Variants in SUPT3H observed in about 807,000 individuals in gnomAD.
SUPT3H encodes the protein SPT3 homolog, SAGA and STAGA complex component, also known as transcription initiation protein SPT3 homolog.
A neutral mutation model predicts 44.3 loss-of-function variants in SUPT3H; 44 were observed. The ratio of observed to expected loss-of-function variants is 0.99; its 90% confidence interval spans 0.78 to 1.28. SUPT3H has a LOEUF of 1.28. Among genes scored for constraint, SUPT3H ranks in the 50% most tolerant of loss-of-function variants. The probability of loss-of-function intolerance (pLI) is 0.00; values close to 1 mark genes in which losing one functional copy is unlikely to be tolerated. For missense variants in SUPT3H, 380 were observed against 387.1 expected (o/e 0.98, Z 0.15); for synonymous variants, 124 against 125.6 (o/e 0.99, Z 0.09).
intron 2 of SUPT3H, among the ~76,000 whole-genome samples, chr6:45,347,758 CT>C (rs201547368): frequency 2.7e-5 from 4 of 150,512 alleles, no homozygotes; most frequent in Non-Finnish European, 5.9e-5. Context: ...CTTCACAATT[CT>C]TTTTTTTAAA....
chr6:44,964,435 A>G (rs1776497152), intron 6 of SUPT3H, among the ~76,000 whole-genome samples: 1 of 152,166 alleles, frequency 6.6e-6, no homozygotes, highest in South Asian at 2.1e-4. Context: ...TTGGACAACC[A>G]AGATTTGGCC....
intron 6 of SUPT3H, among the ~76,000 whole-genome samples, chr6:44,980,367 C>A (rs1376387054): frequency 6.6e-6 from 1 of 151,928 alleles, no homozygotes; most frequent in Non-Finnish European, 1.5e-5. Context: ...TGTCCCTCAT[C>A]AATGTTATAA....
intron 7 of SUPT3H, among the ~76,000 whole-genome samples, chr6:44,960,415 A>G (rs1775848168): frequency 8.0e-6 from 1 of 124,368 alleles, no homozygotes; most frequent in African/African-American, 2.9e-5. Flanking sequence ...GTGAGATTCC[A>G]TCTCAAAAAA....
chr6:44,847,897 A>G lies in SUPT3H; in HGVS notation c.913-18040T>C, dbSNP rs534639089. Among the ~76,000 whole-genome samples, 59 of 149,830 alleles carry G rather than the reference A, an allele frequency of 3.9e-4. 1 individual carries two copies. The South Asian group carries it at 0.012, about 30-fold the overall frequency. On this transcript the variant is annotated intron_variant, in intron 10 of 10. Transcript: ENST00000371459. Reference sequence around the variant, plus strand: ...TTGTTGGAGATGTATGGATTCCACTAATTTTCTTTACCATTCATTACAGAA... The same window carrying G: ...TTGTTGGAGATGTATGGATTCCACTGATTTTCTTTACCATTCATTACAGAA...
At chr6:44,834,636 G>GA (rs1581890155) in intron 10 of SUPT3H, among the ~76,000 whole-genome samples, 5 of 152,128 alleles carry the variant, frequency 3.3e-5, no homozygotes, top group Admixed American at 3.3e-4. Context: ...TTTAACAGAT[G>GA]AAAAAACTAA....
chr6:44,912,516 T>C (rs933444194), intron 10 of SUPT3H, among the ~76,000 whole-genome samples: 14 of 152,190 alleles, frequency 9.2e-5, no homozygotes, highest in Non-Finnish European at 1.8e-4. Flanking sequence ...TTGTAAGAGA[T>C]GTGGAGAAGT....
chr6:45,110,562 CT>C (rs368543185), intron 2 of SUPT3H, among the ~76,000 whole-genome samples: 1 of 87,378 alleles, frequency 1.1e-5, no homozygotes, highest in South Asian at 4.2e-4. Flanking sequence ...CTAACATCAG[CT>C]TTTTTTAAAA....
intron 2 of SUPT3H, among the ~76,000 whole-genome samples, chr6:45,354,840 G>A (rs1034020974): frequency 3.3e-5 from 5 of 152,132 alleles, no homozygotes; most frequent in African/African-American, 1.2e-4. Context: ...TATCAACATG[G>A]AAAAGTCCTG....
rs189903253 is a variant in SUPT3H, at chr6:45,052,589, T to G, written c.187-31957A>C. ...ACACCTTTGACTCAGACACTCTTAT[T>G]TAGCTAAATTTAAAGCAATAACAAA... On this transcript the variant is annotated intron_variant, in intron 3 of 10. Transcript: ENST00000371459. Among the ~76,000 whole-genome samples, 54 of 152,300 alleles carry G rather than the reference T, an allele frequency of 3.5e-4. 1 individual carries two copies. Among genetic ancestry groups the G allele is most frequent in the Admixed American group, 2.0e-3 (31 of 15,290 alleles).
At chr6:45,069,399 C>T (rs973824896) in intron 3 of SUPT3H, among the ~76,000 whole-genome samples, 5 of 152,078 alleles carry the variant, frequency 3.3e-5, no homozygotes, top group African/African-American at 1.2e-4. Context: ...ATATCATCAC[C>T]TGGTCTAATT....
intron 2 of SUPT3H, among the ~76,000 whole-genome samples, chr6:45,287,319 A>G (rs1339521215): frequency 6.6e-6 from 1 of 152,204 alleles, no homozygotes; most frequent in African/African-American, 2.4e-5. Context: ...TCTGATGTTC[A>G]TAACACCATT....
chr6:45,105,878 G>T, intron 3 of SUPT3H, 44 bp downstream of exon 3: 1 of 1,446,188 alleles, frequency 6.9e-7, no homozygotes. Flanking sequence ...CCTAATAAAA[G>T]AATGCAGAGA....
intron 3 of SUPT3H, among the ~76,000 whole-genome samples, chr6:45,046,296 A>G (rs917218982): frequency 2.0e-5 from 3 of 151,906 alleles, no homozygotes; most frequent in African/African-American, 7.3e-5. Flanking sequence ...ATGTATGTCT[A>G]TCTTTATGTC....
intron 10 of SUPT3H, among the ~76,000 whole-genome samples, chr6:44,839,575 C>CT (rs1182230653): frequency 6.6e-6 from 1 of 152,118 alleles, no homozygotes; most frequent in Non-Finnish European, 1.5e-5. Flanking sequence ...CCCATCATGC[C>CT]TGGCCCCTTG....
intron 7 of SUPT3H, 42 bp from the exon 8 acceptor site, chr6:44,954,649 A>G (rs1774844080): frequency 4.0e-6 from 5 of 1,262,498 alleles, no homozygotes; most frequent in Non-Finnish European, 5.8e-6. Context: ...TTTAATTTTT[A>G]AAGTGTTTTA....
At chr6:44,964,686 C>T (rs183426926) in intron 6 of SUPT3H, among the ~76,000 whole-genome samples, 10 of 152,212 alleles carry the variant, frequency 6.6e-5, no homozygotes, top group Admixed American at 3.9e-4. Flanking sequence ...CCTCCAGCAT[C>T]GAAGCAGTAA....
At chr6:45,071,010 A>C (rs1272432792) in intron 3 of SUPT3H, among the ~76,000 whole-genome samples, 1 of 152,154 alleles carries the variant, frequency 6.6e-6, no homozygotes, top group Non-Finnish European at 1.5e-5. Context: ...TACTATTAAA[A>C]TAAATATGAT....
chr6:45,079,911 C>G (rs937805166), intron 3 of SUPT3H, among the ~76,000 whole-genome samples: 10 of 152,046 alleles, frequency 6.6e-5, no homozygotes, highest in Non-Finnish European at 1.5e-4. Context: ...TGAGTAATAC[C>G]CCACCAGCAT....
chr6:45,060,951 T>C (rs1053313195), intron 3 of SUPT3H, among the ~76,000 whole-genome samples: 5 of 151,958 alleles, frequency 3.3e-5, no homozygotes, highest in Non-Finnish European at 5.9e-5. Flanking sequence ...AGAAACAAGA[T>C]GCTGCCAAGG....
Sources: allele counts gnomAD v4.1 joint callset (sites outside exome capture counted in the v4.1 genomes callset), GRCh38; gene constraint gnomAD v4.1.1; transcripts MANE v1.5; gene names NCBI Gene and HGNC (gene_info 2026-07-23, HGNC 2026-07-21).